PCDH17: variants seen among roughly 807,000 people sequenced by gnomAD.
PCDH17 encodes the protein protocadherin 17.
A neutral mutation model predicts 67.7 loss-of-function variants in PCDH17; 21 were observed. That is an observed-to-expected ratio of 0.31 (90% confidence interval 0.22 to 0.45). The LOEUF (loss-of-function observed/expected upper bound fraction) is 0.45. Among genes scored for constraint, PCDH17 ranks in the 20% least tolerant of loss-of-function variants. PCDH17 has a pLI of 1.00. For missense variants in PCDH17, 1,471 were observed against 1,564.8 expected, an observed-to-expected ratio of 0.94 and a Z score of 1.01; for synonymous variants, 701 against 656.7, an observed-to-expected ratio of 1.07 and a Z score of -1.03.
At chr13:57,711,920 ATTAT>A (rs767987842) in intron 3 of PCDH17, among the ~76,000 whole-genome samples, 3 of 151,540 alleles carry the variant, frequency 2.0e-5, no homozygotes, top group Middle Eastern at 3.7e-3. Flanking sequence ...CTAACAATAC[ATTAT>A]TTATATTTGG....
chr13:57,717,104 C>T (rs1002465692), intron 3 of PCDH17, among the ~76,000 whole-genome samples: 4 of 151,902 alleles, frequency 2.6e-5, no homozygotes, highest in Non-Finnish European at 5.9e-5. Context: ...CAGTTCTCTT[C>T]GGGGTACCTG....
intron 1 of PCDH17, among the ~76,000 whole-genome samples, chr13:57,661,837 A>G (rs1389585908): frequency 6.6e-6 from 1 of 152,114 alleles, no homozygotes. Context: ...TGCAGTCTTC[A>G]TTAGTGTGGC....
chr13:57,702,042 C>T (rs1342355064), intron 3 of PCDH17, among the ~76,000 whole-genome samples: 1 of 151,786 alleles, frequency 6.6e-6, no homozygotes, highest in Non-Finnish European at 1.5e-5. Flanking sequence ...TTCAGTCTCC[C>T]GAGTAGCTGG....
At chr13:57,698,947 A>C (rs1955637229) in intron 3 of PCDH17, among the ~76,000 whole-genome samples, 1 of 152,036 alleles carries the variant, frequency 6.6e-6, no homozygotes, top group African/African-American at 2.4e-5. Context: ...CAGTAGCTAG[A>C]ACCGACTTGA....
At chr13:57,665,536 C>T (rs1321078544) in intron 1 of PCDH17, among the ~76,000 whole-genome samples, 4 of 152,110 alleles carry the variant, frequency 2.6e-5, no homozygotes, top group African/African-American at 4.8e-5. Flanking sequence ...GAACCCATAG[C>T]TGCTTCAGAG....
At chr13:57,689,498 T>A (rs191471436) in intron 3 of PCDH17, among the ~76,000 whole-genome samples, 1 of 152,122 alleles carries the variant, frequency 6.6e-6, no homozygotes, top group Non-Finnish European at 1.5e-5. Flanking sequence ...TGATGATGTT[T>A]GTAATCTGTT....
At chr13:57,669,996 G>A (rs988760943) in intron 3 of PCDH17, among the ~76,000 whole-genome samples, 2 of 151,934 alleles carry the variant, frequency 1.3e-5, no homozygotes, top group Admixed American at 6.6e-5. Flanking sequence ...GCATTTATAG[G>A]TAGGAAAGTA....
intron 3 of PCDH17, among the ~76,000 whole-genome samples, chr13:57,691,719 AG>A (rs1955561037): frequency 6.6e-6 from 1 of 151,284 alleles, no homozygotes; most frequent in South Asian, 2.1e-4. Context: ...GTAAGTTGAA[AG>A]GGAATCCATG....
At chr13:57,653,164 A>G (rs940479436) in intron 1 of PCDH17, among the ~76,000 whole-genome samples, 1 of 152,058 alleles carries the variant, frequency 6.6e-6, no homozygotes, top group South Asian at 2.1e-4. Flanking sequence ...TAATTTTATT[A>G]AATTTATTTA....
intron 3 of PCDH17, among the ~76,000 whole-genome samples, chr13:57,708,836 G>T (rs1320237236): frequency 6.6e-6 from 1 of 151,748 alleles, no homozygotes; most frequent in Non-Finnish European, 1.5e-5. Context: ...ATTTTTTGTT[G>T]GCAAGACTTT....
At chr13:57,718,161 C>T (rs1566247557) in intron 3 of PCDH17, among the ~76,000 whole-genome samples, 1 of 151,980 alleles carries the variant, frequency 6.6e-6, no homozygotes. Context: ...AATAGCTTAG[C>T]TAAGCAAGGG....
At chr13:57,665,856 G>A (rs1955246496) in intron 1 of PCDH17, among the ~76,000 whole-genome samples, 1 of 152,052 alleles carries the variant, frequency 6.6e-6, no homozygotes, top group African/African-American at 2.4e-5. Flanking sequence ...TAATAACTAG[G>A]AAGTAAAATA....
At chr13:57,704,392 C>T (rs927785738) in intron 3 of PCDH17, among the ~76,000 whole-genome samples, 13 of 151,922 alleles carry the variant, frequency 8.6e-5, no homozygotes, top group Admixed American at 3.3e-4. Flanking sequence ...AAAAGTCTAT[C>T]AAGCGTTTTT....
chr13:57,667,384 T>A lies in PCDH17; in HGVS notation c.2797+551T>A, dbSNP rs567405147. Reference sequence around the variant, plus strand: ...GAATATCAAATGGGTAATAAAGCAATGTGTCTTAAATACATATATTTTTGT... The same window carrying A: ...GAATATCAAATGGGTAATAAAGCAAAGTGTCTTAAATACATATATTTTTGT... On this transcript the variant is annotated intron_variant, in intron 3 of 3. Coordinates refer to ENST00000377918, the MANE Select transcript of PCDH17 (RefSeq NM_001040429.3). Among the ~76,000 whole-genome samples, 89 of 152,188 alleles carry A rather than the reference T, an allele frequency of 5.8e-4. 1 individual carries two copies. The South Asian group carries it at 0.017, about 29-fold the overall frequency.
chr13:57,638,096 T>C (rs1231417987), intron 1 of PCDH17, among the ~76,000 whole-genome samples: 1 of 152,060 alleles, frequency 6.6e-6, no homozygotes, highest in Non-Finnish European at 1.5e-5. Flanking sequence ...CAGTTATAAT[T>C]AAATATTTAA....
intron 1 of PCDH17, among the ~76,000 whole-genome samples, chr13:57,653,736 G>A (rs1472412615): frequency 6.6e-6 from 1 of 152,078 alleles, no homozygotes; most frequent in Non-Finnish European, 1.5e-5. Flanking sequence ...AAGAGCTGAA[G>A]AGCAATGTTG....
Position 57,728,462 on chromosome 13 carries a change from T to A in PCDH17, c.*3168T>A, listed in dbSNP as rs1471482634. 2 of 143,622 alleles carry A rather than the reference T, an allele frequency of 1.4e-5. No homozygotes were observed. Among genetic ancestry groups the A allele is most frequent in the Non-Finnish European group, 3.0e-5 (2 of 66,324 alleles). The allele number at this position is 143,622 out of a possible 1,614,324, so 8.9% of individuals were successfully genotyped here. ...AGTTAAGCACAGAAAAAAAAATCAC[T>A]TCATGGAAATTTCAGTAAGAAACCC... On this transcript the variant is annotated 3_prime_UTR_variant, in exon 4 of 4. Transcript: ENST00000377918.
intron 3 of PCDH17, among the ~76,000 whole-genome samples, chr13:57,680,174 A>G (rs1299856682): frequency 1.3e-5 from 2 of 151,256 alleles, no homozygotes; most frequent in Non-Finnish European, 3.0e-5. Flanking sequence ...GTGTGTATGT[A>G]TATATAATTA....
At chr13:57,700,134 T>C (rs1172705451) in intron 3 of PCDH17, among the ~76,000 whole-genome samples, 3 of 152,070 alleles carry the variant, frequency 2.0e-5, no homozygotes, top group Non-Finnish European at 4.4e-5. Flanking sequence ...AAGAAAAATA[T>C]AGAGATACAT....
Sources: gnomAD v4.1 joint callset for allele counts (sites outside exome capture counted in the v4.1 genomes callset) on GRCh38, gnomAD v4.1.1 for gene constraint, MANE v1.5 for transcripts, NCBI Gene and HGNC (gene_info 2026-07-23, HGNC 2026-07-21) for gene names.